Variants in GNA12 observed in about 807,000 individuals in gnomAD.
GNA12 encodes G protein subunit alpha 12, also known as guanine nucleotide-binding protein subunit alpha-12.
GNA12 carries 9 observed loss-of-function variants against 26.0 expected under a neutral mutation model. The ratio of observed to expected loss-of-function variants is 0.35; its 90% CI spans 0.21 to 0.60. The LOEUF (loss-of-function observed/expected upper bound fraction) is 0.60, where lower values mean the gene tolerates loss of function less well. GNA12 is among the 20% of genes least tolerant of loss of function. GNA12 has a pLI of 0.78. For missense variants in GNA12, 405 were observed against 525.8 expected, an observed-to-expected ratio of 0.77 and a Z score of 2.25; for synonymous variants, 264 against 219.6, an observed-to-expected ratio of 1.20 and a Z score of -1.79.
chr7:2,768,255 C>T (rs536913911), intron 2 of GNA12, among the ~76,000 whole-genome samples: 12 of 152,292 alleles, frequency 7.9e-5, no homozygotes, highest in Admixed American at 3.3e-4. Flanking sequence ...AATAAGTGAT[C>T]GGAAATGGTT....
At chr7:2,839,329 G>A (rs1778924922) in intron 1 of GNA12, among the ~76,000 whole-genome samples, 1 of 152,066 alleles carries the variant, frequency 6.6e-6, no homozygotes, top group African/African-American at 2.4e-5. Context: ...TGCCTCCCAG[G>A]TTCAAGTGAT....
At chr7:2,787,193 T>A (rs149063871) in intron 2 of GNA12, among the ~76,000 whole-genome samples, 1,789 of 152,148 alleles carry the variant, frequency 0.012, 9 homozygotes, top group Non-Finnish European at 0.017. Flanking sequence ...GGCCTGTGAA[T>A]CCCTCCCGGT....
chr7:2,801,997 T>C (rs1792820841), intron 1 of GNA12, among the ~76,000 whole-genome samples: 1 of 152,168 alleles, frequency 6.6e-6, no homozygotes, highest in South Asian at 2.1e-4. Flanking sequence ...AAAATACTAG[T>C]ATAGGAGGCA....
chr7:2,825,276 C>G (rs1281526003), intron 1 of GNA12, among the ~76,000 whole-genome samples: 1 of 152,126 alleles, frequency 6.6e-6, no homozygotes. Flanking sequence ...TCCCTCCCTC[C>G]GAGCTCTTGC....
At position 2,843,352 on chromosome 7, in the gene GNA12, G is replaced by A. The variant is rs540330933; in HGVS notation, c.309+501C>T. 8.5e-5 allele frequency among the ~76,000 whole-genome samples: 13 copies of A among 152,102 alleles called. No individual in the cohort carries two copies. In the South Asian group the frequency reaches 2.3e-3, roughly 27 times the overall value. The stretch of plus-strand genomic sequence containing the variant: ...CACGGTCCCCAGGCACCCTAGAGAG[G>A]GCAGAGGCAGACCGGGCGCCATGAC... On this transcript the variant is annotated intron_variant, in intron 1 of 3. Transcript: ENST00000275364.
At chr7:2,781,644 CT>C (rs1792232966) in intron 2 of GNA12, among the ~76,000 whole-genome samples, 1 of 152,070 alleles carries the variant, frequency 6.6e-6, no homozygotes, top group Non-Finnish European at 1.5e-5. Flanking sequence ...AGACATGTAG[CT>C]GTCTTTACTG....
chr7:2,837,358 A>G (rs1304671515), intron 1 of GNA12, among the ~76,000 whole-genome samples: 1 of 152,222 alleles, frequency 6.6e-6, no homozygotes, highest in Non-Finnish European at 1.5e-5. Context: ...GTCATTAACA[A>G]AAGTGCTAAC....
chr7:2,795,337 A>G (rs1650487180), intron 1 of GNA12, among the ~76,000 whole-genome samples, 194 bp from the exon 2 acceptor site: 1 of 152,190 alleles, frequency 6.6e-6, no homozygotes, highest in South Asian at 2.1e-4. Flanking sequence ...AACCTCACCA[A>G]GACAGACGCA....
At chr7:2,794,547 G>A (rs1349364848) in intron 2 of GNA12, among the ~76,000 whole-genome samples, 3 of 152,304 alleles carry the variant, frequency 2.0e-5, no homozygotes, top group Middle Eastern at 3.4e-3. Flanking sequence ...GCGCTGATCT[G>A]AAGGCGTTCG....
intron 2 of GNA12, among the ~76,000 whole-genome samples, chr7:2,776,379 G>C (rs1255506006): frequency 6.6e-6 from 1 of 152,214 alleles, no homozygotes; most frequent in African/African-American, 2.4e-5. Flanking sequence ...CATTTCCTCA[G>C]ACCAGGGGAC....
intron 2 of GNA12, among the ~76,000 whole-genome samples, chr7:2,767,776 A>T (rs932145161): frequency 2.6e-5 from 4 of 152,228 alleles, no homozygotes; most frequent in Admixed American, 6.5e-5. Flanking sequence ...CCAAATCCTC[A>T]TCGTAAATAA....
intron 1 of GNA12, chr7:2,814,294 G>C (rs1421409461): frequency 7.3e-7 from 1 of 1,375,256 alleles, no homozygotes. Context: ...CCGAGGAGTT[G>C]AACGGAGTGA....
intron 1 of GNA12, among the ~76,000 whole-genome samples, chr7:2,827,192 G>T (rs1378200624): frequency 6.6e-6 from 1 of 152,152 alleles, no homozygotes; most frequent in Non-Finnish European, 1.5e-5. Flanking sequence ...GTAAATTCAT[G>T]GAGACAGAAA....
intron 1 of GNA12, among the ~76,000 whole-genome samples, chr7:2,795,914 A>C (rs1051479239): frequency 3.3e-5 from 5 of 150,748 alleles, no homozygotes; most frequent in Admixed American, 6.6e-5. Flanking sequence ...TCCGCCTCCC[A>C]GGTTCAAGCA....
intron 2 of GNA12, among the ~76,000 whole-genome samples, chr7:2,789,572 G>A (rs1016052919): frequency 3.3e-5 from 5 of 152,154 alleles, no homozygotes; most frequent in African/African-American, 4.8e-5. Flanking sequence ...ACATGTGGCC[G>A]CAGAGAACGC....
At chr7:2,768,401 G>A (rs1791859975) in intron 2 of GNA12, among the ~76,000 whole-genome samples, 1 of 152,148 alleles carries the variant, frequency 6.6e-6, no homozygotes, top group Admixed American at 6.5e-5. Flanking sequence ...TCCTGGCTTA[G>A]CAAGCTACGT....
chr7:2,793,207 T>C (rs988184818), intron 2 of GNA12, among the ~76,000 whole-genome samples: 4 of 152,182 alleles, frequency 2.6e-5, no homozygotes, highest in Non-Finnish European at 4.4e-5. Flanking sequence ...GGAGCTATCA[T>C]GGACTGCAAG....
chr7:2,742,598 G>A (rs541819471), intron 2 of GNA12, among the ~76,000 whole-genome samples: 9 of 152,232 alleles, frequency 5.9e-5, no homozygotes, highest in Admixed American at 1.3e-4. Context: ...GAGTCTCGCC[G>A]GCCCTTTGCG....
At chr7:2,789,367 C>T (rs1023019815) in intron 2 of GNA12, among the ~76,000 whole-genome samples, 6 of 144,352 alleles carry the variant, frequency 4.2e-5, no homozygotes, top group Admixed American at 2.7e-4. Context: ...GATCTCCTGA[C>T]CTCGTGATCC....
Sources: gnomAD v4.1 joint callset for allele counts (sites outside exome capture counted in the v4.1 genomes callset) on GRCh38, gnomAD v4.1.1 for gene constraint, MANE v1.5 for transcripts, NCBI Gene and HGNC (gene_info 2026-07-23, HGNC 2026-07-21) for gene names.